PPP2R2C: variants seen among roughly 807,000 people sequenced by gnomAD.
PPP2R2C encodes protein phosphatase 2 regulatory subunit Bgamma, also known as protein phosphatase 2, regulatory subunit B, gamma.
Under a neutral mutation model 45.3 loss-of-function variants are expected in PPP2R2C, and 10 were observed. That is an observed-to-expected ratio of 0.22 (90% CI 0.14 to 0.37). PPP2R2C has a LOEUF of 0.37. Among genes scored for constraint, PPP2R2C ranks in the 10% least tolerant of loss-of-function variants. The pLI, the probability that PPP2R2C is intolerant of heterozygous loss-of-function variation, is 1.00. For missense variants in PPP2R2C, 308 were observed against 619.7 expected, an observed-to-expected ratio of 0.50 and a Z score of 5.34; for synonymous variants, 257 against 245.4, an observed-to-expected ratio of 1.05 and a Z score of -0.44.
Position 6,345,619 on chromosome 4 carries a change from C to T in PPP2R2C, c.790+2227G>A, listed in dbSNP as rs115449300. On this transcript the variant is annotated intron_variant, in intron 6 of 8. Transcript: ENST00000382599. This position sits in a 1 kb window ranked among gnomAD's most constrained non-coding sequence, Gnocchi z 5.3. ...AGGGGCCACGTGCCAGGGAACGCAG[C>T]GCCTCTAGAAGCCAGAAGAGGCAGG... 4.6e-3 allele frequency among the ~76,000 whole-genome samples: 697 copies of T among 152,200 alleles called. 8 individuals are homozygous for T. Among genetic ancestry groups the T allele is most frequent in the African/African-American group, 0.016 (648 of 41,520 alleles).
chr4:6,554,167 G>T (rs968816079), intron 1 of PPP2R2C, among the ~76,000 whole-genome samples: 3 of 152,170 alleles, frequency 2.0e-5, no homozygotes, highest in Admixed American at 6.5e-5. Flanking sequence ...CACTGCAGAT[G>T]TCATTAGTTA....
chr4:6,501,261 C>A (rs982986619), intron 2 of PPP2R2C, among the ~76,000 whole-genome samples: 1 of 152,122 alleles, frequency 6.6e-6, no homozygotes, highest in Admixed American at 6.5e-5. Context: ...AGGCAATCAC[C>A]CATCAGGCCT....
At chr4:6,470,653 C>G (rs1238798868) in intron 1 of PPP2R2C, among the ~76,000 whole-genome samples, 2 of 152,232 alleles carry the variant, frequency 1.3e-5, no homozygotes, top group Non-Finnish European at 2.9e-5. Flanking sequence ...CTCCAACCCT[C>G]TGTCGCTGCA....
At chr4:6,489,641 G>A (rs1230787211) in intron 2 of PPP2R2C, among the ~76,000 whole-genome samples, 1 of 152,178 alleles carries the variant, frequency 6.6e-6, no homozygotes, top group African/African-American at 2.4e-5. Flanking sequence ...GGTTATCTCA[G>A]TGAGAATTGA....
At chr4:6,554,201 G>A (rs977137969) in intron 1 of PPP2R2C, among the ~76,000 whole-genome samples, 1 of 152,172 alleles carries the variant, frequency 6.6e-6, no homozygotes, top group African/African-American at 2.4e-5. Flanking sequence ...CTGGAGTAGG[G>A]TTTACCCCCA....
intron 1 of PPP2R2C, among the ~76,000 whole-genome samples, chr4:6,424,368 A>C (rs1474217006): frequency 6.6e-6 from 1 of 152,204 alleles, no homozygotes; most frequent in African/African-American, 2.4e-5. Flanking sequence ...TTTAAATCTT[A>C]TAGGCGGTGC....
intron 1 of PPP2R2C, among the ~76,000 whole-genome samples, chr4:6,456,761 C>T (rs1024875633): frequency 3.3e-5 from 5 of 152,192 alleles, no homozygotes; most frequent in African/African-American, 1.2e-4. Flanking sequence ...TCTTGAGCTG[C>T]CGCCTTTAAT....
At chr4:6,514,163 TC>T (rs1723761384) in intron 2 of PPP2R2C, among the ~76,000 whole-genome samples, 1 of 152,214 alleles carries the variant, frequency 6.6e-6, no homozygotes. Flanking sequence ...GCTATTCTTT[TC>T]CTATGTATCT....
chr4:6,355,895 G>A (rs1713133414), intron 5 of PPP2R2C, among the ~76,000 whole-genome samples: 1 of 150,762 alleles, frequency 6.6e-6, no homozygotes, highest in African/African-American at 2.4e-5. Flanking sequence ...TCAGGAGGCT[G>A]AGGCAGGAGA....
At chr4:6,360,284 C>T (rs1003539962) in intron 5 of PPP2R2C, among the ~76,000 whole-genome samples, 6 of 152,248 alleles carry the variant, frequency 3.9e-5, no homozygotes, top group Non-Finnish European at 5.9e-5. Context: ...CTGGAGTAAA[C>T]GCATTTCCAC....
chr4:6,523,179 A>G (rs945766426), intron 2 of PPP2R2C, among the ~76,000 whole-genome samples: 1 of 152,224 alleles, frequency 6.6e-6, no homozygotes, highest in Admixed American at 6.5e-5. Flanking sequence ...AGGGGCAAGA[A>G]ATCCAGGATG....
At position 6,336,324 on chromosome 4, in the gene PPP2R2C, G is replaced by A. The variant is rs73075126; in HGVS notation, c.791-2593C>T. On this transcript the variant is annotated intron_variant, in intron 6 of 8. Transcript: ENST00000382599. Reference sequence around the variant, plus strand: ...TTTCCACAAGGGCACATTGAAGGGAGGACCAGAAAGAAAATCAGCACCATG... The same window carrying A: ...TTTCCACAAGGGCACATTGAAGGGAAGACCAGAAAGAAAATCAGCACCATG... Among the ~76,000 whole-genome samples, 1,005 of 152,148 alleles carry A rather than the reference G, an allele frequency of 6.6e-3. 6 individuals are homozygous for A. The highest frequency in any genetic ancestry group is 0.023 in the African/African-American group (962 of 41,504).
intron 5 of PPP2R2C, chr4:6,351,091 G>A (rs1223632460): frequency 1.1e-6 from 1 of 907,488 alleles, no homozygotes; most frequent in Non-Finnish European, 1.3e-6. Flanking sequence ...GGTCACCTGA[G>A]CTCAGGAGTT....
chr4:6,522,820 C>T (rs899527856), intron 2 of PPP2R2C, among the ~76,000 whole-genome samples: 19 of 152,390 alleles, frequency 1.2e-4, no homozygotes, highest in East Asian at 5.8e-4. Flanking sequence ...GGAGGCACTC[C>T]GCCCAGGAGG....
intron 1 of PPP2R2C, among the ~76,000 whole-genome samples, chr4:6,544,802 C>T (rs1274350366): frequency 6.6e-6 from 1 of 152,216 alleles, no homozygotes; most frequent in Non-Finnish European, 1.5e-5. Context: ...CCCAAAGAAG[C>T]AAATTAGCAC....
chr4:6,525,412 GTAAA>G (rs57107907), intron 2 of PPP2R2C, among the ~76,000 whole-genome samples: 8 of 149,286 alleles, frequency 5.4e-5, no homozygotes, highest in East Asian at 3.9e-4. Context: ...CTCAAAATAA[GTAAA>G]TAAATAAATA....
intron 1 of PPP2R2C, among the ~76,000 whole-genome samples, chr4:6,462,326 T>C (rs1055151570): frequency 6.6e-6 from 1 of 152,028 alleles, no homozygotes; most frequent in African/African-American, 2.4e-5. Context: ...AATACAAAAA[T>C]TAGTCGGGCG....
chr4:6,446,192 C>T (rs952574149), intron 1 of PPP2R2C, among the ~76,000 whole-genome samples: 1 of 152,222 alleles, frequency 6.6e-6, no homozygotes, highest in African/African-American at 2.4e-5. Flanking sequence ...CCTAGAACCA[C>T]GTTCTGAGAC....
At chr4:6,346,945 G>A (rs1279332894) in intron 6 of PPP2R2C, among the ~76,000 whole-genome samples, 1 of 152,208 alleles carries the variant, frequency 6.6e-6, no homozygotes, top group Non-Finnish European at 1.5e-5. Flanking sequence ...CAAAGTCCCT[G>A]CCCTCTGCCT....
Sources: allele counts gnomAD v4.1 joint callset (sites outside exome capture counted in the v4.1 genomes callset), GRCh38; gene constraint gnomAD v4.1.1; non-coding constraint Gnocchi (gnomAD v3.1); transcripts MANE v1.5; gene names NCBI Gene and HGNC (gene_info 2026-07-23, HGNC 2026-07-21).